The following IL1RAPL1 variants were observed in gnomAD, a reference collection of about 807,000 sequenced individuals.
The protein encoded by IL1RAPL1 is interleukin-1 receptor accessory protein-like 1.
Under a neutral mutation model 48.4 loss-of-function variants are expected in IL1RAPL1, and 3 were observed. The ratio of observed to expected loss-of-function variants is 0.06; its 90% CI spans 0.03 to 0.16. The LOEUF (loss-of-function observed/expected upper bound fraction) is 0.16. Ranked by LOEUF, IL1RAPL1 falls within the 10% of genes least tolerant of loss-of-function variation. The probability of loss-of-function intolerance (pLI) is 1.00; values close to 1 mark genes in which losing one functional copy is unlikely to be tolerated. For missense variants in IL1RAPL1, 349 were observed against 530.6 expected (o/e 0.66, Z 3.36); for synonymous variants, 185 against 187.7 (o/e 0.99, Z 0.12).
chrX:29,602,997 G>T (rs1357466617), intron 5 of IL1RAPL1, among the ~76,000 whole-genome samples: 3 of 112,321 alleles, frequency 2.7e-5, no homozygotes, highest in Non-Finnish European at 5.6e-5. Flanking sequence ...CAGGTGTGGT[G>T]GTGGGCGCCT....
chrX:29,922,427 A>G (rs1267633171), intron 8 of IL1RAPL1, among the ~76,000 whole-genome samples: 1 of 112,002 alleles, frequency 8.9e-6, no homozygotes, highest in South Asian at 3.7e-4. Flanking sequence ...TAACAAGCCA[A>G]AAAAAGGTCC....
chrX:29,730,315 T>G (rs964089548), intron 6 of IL1RAPL1, among the ~76,000 whole-genome samples: 3 of 112,335 alleles, frequency 2.7e-5, no homozygotes, highest in Non-Finnish European at 3.8e-5. Flanking sequence ...ATTTCCTTTC[T>G]GTTACAACTT....
intron 6 of IL1RAPL1, among the ~76,000 whole-genome samples, chrX:29,683,716 G>T (rs1569145212): frequency 8.9e-6 from 1 of 111,988 alleles, no homozygotes; most frequent in African/African-American, 3.2e-5. Flanking sequence ...ATTTAAAATG[G>T]TCTATTCTTA....
chrX:28,653,953 C>T (rs969116473), intron 1 of IL1RAPL1, among the ~76,000 whole-genome samples: 7 of 111,497 alleles, frequency 6.3e-5, no homozygotes, highest in Non-Finnish European at 9.4e-5. Context: ...ATTAAAGGTT[C>T]ATTCTATGTG....
At chrX:29,390,338 A>G (rs1001309691) in intron 3 of IL1RAPL1, among the ~76,000 whole-genome samples, 18 of 111,342 alleles carry the variant, frequency 1.6e-4, no homozygotes, top group African/African-American at 5.9e-4. Flanking sequence ...GAAAAATATT[A>G]TGTGCCTTCA....
intron 2 of IL1RAPL1, among the ~76,000 whole-genome samples, chrX:28,924,786 T>C (rs1178750724): frequency 8.9e-6 from 1 of 112,086 alleles, no homozygotes; most frequent in Non-Finnish European, 1.9e-5. Flanking sequence ...GAAATGAAAA[T>C]ATAAGTGGCA....
Position 28,736,203 on chromosome X carries a change from G to A in IL1RAPL1, c.-24-53117G>A, listed in dbSNP as rs904884871. Among the ~76,000 whole-genome samples, 65 of 110,855 alleles carry A rather than the reference G, an allele frequency of 5.9e-4. 1 individual carries two copies. The highest frequency in any genetic ancestry group is 1.6e-3 in the African/African-American group (48 of 30,507). ...AATCTCAGCACTTTGGGAGGCCGAG[G>A]TGGGCAGATCACAAGGTCAGGAGTT... On this transcript the variant is annotated intron_variant, in intron 1 of 10. Coordinates refer to ENST00000378993, the MANE Select transcript of IL1RAPL1 (RefSeq NM_014271.4).
chrX:29,539,150 C>T (rs553656236), intron 5 of IL1RAPL1, among the ~76,000 whole-genome samples: 5 of 111,523 alleles, frequency 4.5e-5, no homozygotes, highest in East Asian at 5.6e-4. Context: ...AATATAGACG[C>T]AGAAATCCTC....
At chrX:28,915,731 T>C (rs953290898) in intron 2 of IL1RAPL1, among the ~76,000 whole-genome samples, 1 of 111,117 alleles carries the variant, frequency 9.0e-6, no homozygotes, top group African/African-American at 3.3e-5. Context: ...TAAAAGGTGA[T>C]CTACTTTATC....
At chrX:28,901,272 A>G (rs966630088) in intron 2 of IL1RAPL1, among the ~76,000 whole-genome samples, 1 of 111,967 alleles carries the variant, frequency 8.9e-6, no homozygotes, top group African/African-American at 3.2e-5. Context: ...AAATAATACA[A>G]TGATGGTTTT....
chrX:29,340,301 G>A (rs73631652), intron 3 of IL1RAPL1, among the ~76,000 whole-genome samples: 7,531 of 110,975 alleles, frequency 0.068, 643 homozygotes, highest in African/African-American at 0.23. Context: ...CCCAGGAGAA[G>A]TTGCTGTACC....
chrX:29,631,033 A>G (rs954587746), intron 5 of IL1RAPL1, among the ~76,000 whole-genome samples: 3 of 111,751 alleles, frequency 2.7e-5, no homozygotes, highest in Admixed American at 9.5e-5. Flanking sequence ...CATTTATTCA[A>G]TATATTCCTG....
intron 5 of IL1RAPL1, among the ~76,000 whole-genome samples, chrX:29,554,840 A>C (rs1394648854): frequency 8.9e-6 from 1 of 112,297 alleles, no homozygotes; most frequent in Non-Finnish European, 1.9e-5. Flanking sequence ...GGAGTGGGCC[A>C]TGTGTATACT....
At chrX:28,687,839 C>T (rs1601859618) in intron 1 of IL1RAPL1, among the ~76,000 whole-genome samples, 1 of 106,954 alleles carries the variant, frequency 9.3e-6, no homozygotes, top group African/African-American at 3.4e-5. Context: ...CGGTGGCTCA[C>T]GCCTGTAATT....
chrX:29,878,478 A>G, intron 6 of IL1RAPL1, among the ~76,000 whole-genome samples: 1 of 111,974 alleles, frequency 8.9e-6, no homozygotes, highest in East Asian at 2.8e-4. Context: ...AGACATTGCC[A>G]TGAACAAAAA....
chrX:29,024,640 G>C (rs1926444989), intron 2 of IL1RAPL1, among the ~76,000 whole-genome samples: 1 of 111,924 alleles, frequency 8.9e-6, no homozygotes, highest in African/African-American at 3.2e-5. Flanking sequence ...ATCATTTAAA[G>C]AAGCAATGTC....
intron 3 of IL1RAPL1, among the ~76,000 whole-genome samples, chrX:29,375,076 T>G (rs1202408498): frequency 1.8e-5 from 2 of 108,771 alleles, no homozygotes; most frequent in Non-Finnish European, 3.8e-5. Flanking sequence ...TATTTTAATT[T>G]AGCTATTCAA....
At chrX:29,714,839 T>C (rs1047568234) in intron 6 of IL1RAPL1, among the ~76,000 whole-genome samples, 7 of 111,747 alleles carry the variant, frequency 6.3e-5, no homozygotes, top group African/African-American at 2.3e-4. Context: ...ATCAGGACTT[T>C]CCCTCATACT....
At chrX:29,590,526 C>T (rs761358608) in intron 5 of IL1RAPL1, among the ~76,000 whole-genome samples, 4 of 111,819 alleles carry the variant, frequency 3.6e-5, no homozygotes, top group African/African-American at 6.5e-5. Context: ...ACTAGCCTGA[C>T]GCTATGCTGG....
Sources: allele counts gnomAD v4.1 joint callset (sites outside exome capture counted in the v4.1 genomes callset), GRCh38; gene constraint gnomAD v4.1.1; transcripts MANE v1.5; gene names NCBI Gene and HGNC (gene_info 2026-07-23, HGNC 2026-07-21).